LINGO2: variants seen among roughly 807,000 people sequenced by gnomAD.
LINGO2 encodes leucine rich repeat and Ig domain containing 2, also known as leucine-rich repeat and immunoglobulin-like domain-containing nogo receptor-interacting protein 2.
Under a neutral mutation model 30.6 loss-of-function variants are expected in LINGO2, and 14 were observed. The observed-to-expected ratio is 0.46, with a 90% CI of 0.30 to 0.72. The LOEUF is 0.72. Ranked by LOEUF, LINGO2 falls within the 30% of genes least tolerant of loss-of-function variation. The pLI, the probability that LINGO2 is intolerant of heterozygous loss-of-function variation, is 0.07. For missense variants in LINGO2, 729 were observed against 751.7 expected, an observed-to-expected ratio of 0.97 and a Z score of 0.35; for synonymous variants, 317 against 288.5, an observed-to-expected ratio of 1.10 and a Z score of -1.00.
At chr9:28,767,874 T>C in the LINGO2 span, among the ~76,000 whole-genome samples, 9 of 151,910 alleles carry the variant, frequency 5.9e-5, no homozygotes, top group South Asian at 1.9e-3. Context: ...TTCTTACACA[T>C]TTGTGTTAAA....
chr9:28,303,637 TA>T (rs1336276421), intron 3 of LINGO2, among the ~76,000 whole-genome samples: 1 of 152,108 alleles, frequency 6.6e-6, no homozygotes, highest in Non-Finnish European at 1.5e-5. Context: ...TTAAATACTG[TA>T]ATCTTACAAT....
At chr9:28,847,809 AT>A in the LINGO2 span, among the ~76,000 whole-genome samples, 2 of 37,328 alleles carry the variant, frequency 5.4e-5, no homozygotes, top group Non-Finnish European at 1.2e-4. Flanking sequence ...TATAGTATAT[AT>A]GTATATATAC....
intron 4 of LINGO2, among the ~76,000 whole-genome samples, chr9:28,168,148 C>T (rs1037362296): frequency 5.3e-5 from 8 of 152,304 alleles, no homozygotes; most frequent in African/African-American, 1.7e-4. Context: ...TGGGTTTGAG[C>T]AGGGAGTGTG....
intron 2 of LINGO2, among the ~76,000 whole-genome samples, chr9:28,424,051 C>G (rs1339863262): frequency 1.3e-5 from 2 of 152,056 alleles, no homozygotes; most frequent in African/African-American, 4.8e-5. Flanking sequence ...GCCACCAATT[C>G]CCATCCATTG....
At chr9:29,033,986 A>G in the LINGO2 span, among the ~76,000 whole-genome samples, 1 of 151,870 alleles carries the variant, frequency 6.6e-6, no homozygotes, top group African/African-American at 2.4e-5. Context: ...GGAGGCTGAA[A>G]GAGGAGAATC....
At chr9:28,525,040 T>C (rs1335881764) in intron 1 of LINGO2, among the ~76,000 whole-genome samples, 1 of 151,998 alleles carries the variant, frequency 6.6e-6, no homozygotes, top group African/African-American at 2.4e-5. Flanking sequence ...TTTTTAAAAA[T>C]AGCTAAAGAT....
intron 4 of LINGO2, among the ~76,000 whole-genome samples, chr9:28,026,478 G>A (rs149803002): frequency 2.0e-4 from 30 of 152,272 alleles, no homozygotes; most frequent in African/African-American, 7.0e-4. Flanking sequence ...GCATTTCTAA[G>A]GCGTTCTGGG....
chr9:28,018,956 G>A (rs903327764), intron 4 of LINGO2, among the ~76,000 whole-genome samples: 6 of 152,130 alleles, frequency 3.9e-5, no homozygotes, highest in Non-Finnish European at 8.8e-5. Flanking sequence ...CCATAAAATA[G>A]AATAAGATCA....
At chr9:28,442,973 G>GT (rs11410855) in intron 2 of LINGO2, among the ~76,000 whole-genome samples, 63,568 of 151,770 alleles carry the variant, frequency 0.42, 15,784 homozygotes, top group East Asian at 0.76. Flanking sequence ...CCCCAACATT[G>GT]TTTTTTTATC....
At chr9:28,546,876 T>C (rs1363902647) in intron 1 of LINGO2, among the ~76,000 whole-genome samples, 2 of 152,054 alleles carry the variant, frequency 1.3e-5, no homozygotes, top group Non-Finnish European at 2.9e-5. Context: ...ATTAGAGAAG[T>C]AGAATGATAA....
chr9:28,159,974 T>C (rs1828240752), intron 4 of LINGO2, among the ~76,000 whole-genome samples: 1 of 152,320 alleles, frequency 6.6e-6, no homozygotes, highest in East Asian at 1.9e-4. Context: ...AAACTCATTA[T>C]ACATGAGTTT....
intron 4 of LINGO2, among the ~76,000 whole-genome samples, chr9:28,055,466 A>G (rs1199179039): frequency 6.6e-6 from 1 of 152,176 alleles, no homozygotes; most frequent in Non-Finnish European, 1.5e-5. Context: ...TTTGCATAAA[A>G]TAAGAACTTG....
the LINGO2 span, among the ~76,000 whole-genome samples, chr9:28,930,447 C>T: frequency 0.74 from 112,609 of 152,040 alleles, 41,854 homozygotes; most frequent in Non-Finnish European, 0.78. This position sits in a 1 kb window ranked among gnomAD's most constrained non-coding sequence, Gnocchi z 4.2. Context: ...GCTATGACCT[C>T]GCATTTAAGA....
At chr9:28,868,738 T>A in the LINGO2 span, among the ~76,000 whole-genome samples, 1 of 152,152 alleles carries the variant, frequency 6.6e-6, no homozygotes, top group Admixed American at 6.6e-5. Flanking sequence ...GCAGTTCAGC[T>A]GAGTAACTGC....
the LINGO2 span, among the ~76,000 whole-genome samples, chr9:28,688,194 T>C: frequency 6.6e-6 from 1 of 152,280 alleles, no homozygotes; most frequent in East Asian, 1.9e-4. Flanking sequence ...TGGCAGGGTA[T>C]ATCACAATGA....
chr9:28,427,623 A>G (rs1823466755), intron 2 of LINGO2, among the ~76,000 whole-genome samples: 1 of 152,156 alleles, frequency 6.6e-6, no homozygotes, highest in Admixed American at 6.5e-5. Context: ...TCTAATTTCT[A>G]TCTAAACTTG....
intron 1 of LINGO2, among the ~76,000 whole-genome samples, chr9:28,626,921 T>C (rs1188982076): frequency 1.3e-5 from 2 of 152,038 alleles, no homozygotes; most frequent in Non-Finnish European, 2.9e-5. Context: ...TTTACAGCCT[T>C]TGTTTGCTAA....
chr9:29,135,282 G>C, the LINGO2 span, among the ~76,000 whole-genome samples: 3 of 152,064 alleles, frequency 2.0e-5, no homozygotes, highest in Non-Finnish European at 4.4e-5. Context: ...TTGTCAGGCC[G>C]GGTGTGGTGG....
At position 28,585,851 on chromosome 9, in the gene LINGO2, T is replaced by C. The variant is rs150545964; in HGVS notation, c.-365+84349A>G. On this transcript the variant is annotated intron_variant, in intron 1 of 5. Transcript: ENST00000379992. ...AATTTCCCCTTCAAGATTGTCATTG[T>C]TGAGCACCTGATTTAATATGTTTGG... 9.0e-3 allele frequency among the ~76,000 whole-genome samples: 1,364 copies of C among 152,156 alleles called. 7 individuals are homozygous for C. Among genetic ancestry groups the C allele is most frequent in the Middle Eastern group, 0.02 (6 of 294 alleles).
Sources: gnomAD v4.1 joint callset for allele counts (sites outside exome capture counted in the v4.1 genomes callset) on GRCh38, gnomAD v4.1.1 for gene constraint, Gnocchi (gnomAD v3.1) non-coding constraint, MANE v1.5 for transcripts, NCBI Gene and HGNC (gene_info 2026-07-23, HGNC 2026-07-21) for gene names.